Variants in COLEC12 observed in about 807,000 individuals in gnomAD.
COLEC12 encodes the protein collectin subfamily member 12.
A neutral mutation model predicts 71.1 loss-of-function variants in COLEC12; 33 were observed. That is an observed-to-expected ratio of 0.46 (90% CI 0.35 to 0.62). COLEC12 has a LOEUF of 0.62. Ranked by LOEUF, COLEC12 falls within the 20% of genes least tolerant of loss-of-function variation. COLEC12 has a pLI of 0.00. For missense variants in COLEC12, 765 were observed against 916.1 expected (o/e 0.84, Z 2.13); for synonymous variants, 350 against 353.0 (o/e 0.99, Z 0.10).
chr18:449,699 C>A (rs548430337), intron 2 of COLEC12, among the ~76,000 whole-genome samples: 26 of 152,186 alleles, frequency 1.7e-4, no homozygotes, highest in African/African-American at 6.3e-4. Flanking sequence ...ACAGTCCGGG[C>A]GGAGTCTGCT....
rs541430446 is a variant in COLEC12 at position 318,156 on chromosome 18, A to G, written c.*1889T>C. Reference sequence around the variant, plus strand: ...CGCGCCCGGCTAATTTTTTTTTTGTATTTTTAGTAGAGACGGGGTTTCACC... The same window carrying G: ...CGCGCCCGGCTAATTTTTTTTTTGTGTTTTTAGTAGAGACGGGGTTTCACC... On this transcript the variant is annotated 3_prime_UTR_variant, in exon 10 of 10. Coordinates refer to ENST00000400256, the MANE Select transcript of COLEC12 (RefSeq NM_130386.3). The G allele has an allele frequency of 1.3e-5, 2 of 150,536 alleles. No individual in the cohort carries two copies. The highest frequency in any genetic ancestry group is 2.1e-4 in the South Asian group (1 of 4,734). 9.3% of individuals were successfully genotyped at this position (150,536 alleles called of 1,614,324 possible).
At chr18:391,513 T>C (rs984037094) in intron 2 of COLEC12, among the ~76,000 whole-genome samples, 20 of 152,196 alleles carry the variant, frequency 1.3e-4, no homozygotes, top group Non-Finnish European at 2.9e-4. Context: ...TTTGTTGTTG[T>C]TGTTGTTTTG....
intron 2 of COLEC12, among the ~76,000 whole-genome samples, chr18:428,205 G>A (rs772138609): frequency 4.0e-5 from 6 of 151,846 alleles, no homozygotes; most frequent in East Asian, 3.9e-4. Flanking sequence ...TGGAGGTTGC[G>A]TGAGCTGAGA....
At chr18:328,941 C>T (rs998132115) in intron 8 of COLEC12, among the ~76,000 whole-genome samples, 2 of 152,182 alleles carry the variant, frequency 1.3e-5, no homozygotes, top group Non-Finnish European at 2.9e-5. Context: ...CTAACTTATT[C>T]TTGCTTTTAA....
At chr18:325,655 T>TTTTG (rs1913824064) in intron 8 of COLEC12, among the ~76,000 whole-genome samples, 3 of 93,148 alleles carry the variant, frequency 3.2e-5, no homozygotes, top group Non-Finnish European at 6.9e-5. Context: ...TTTTTTTTTT[T>TTTTG]TGAGACAGAG....
Position 480,885 on chromosome 18 carries a change from C to T in COLEC12, c.8-128G>A. On this transcript the variant is annotated intron_variant, in intron 1 of 9. Coordinates refer to ENST00000400256, the MANE Select transcript of COLEC12 (RefSeq NM_130386.3). This position sits in a 1 kb window ranked among gnomAD's most constrained non-coding sequence, Gnocchi z 4.1. ...GCTTTCCTTCTGCTCGTGGATCGCACCAGGCTTTCTGGAAGAGGCGGCAGG... is the reference window on the plus strand; with the variant it reads ...GCTTTCCTTCTGCTCGTGGATCGCATCAGGCTTTCTGGAAGAGGCGGCAGG... 2.4e-6 allele frequency: 2 copies of T among 843,136 alleles called. No individual in the cohort carries two copies. The highest frequency in any genetic ancestry group is 4.1e-6 in the Non-Finnish European group (2 of 488,696). 52.2% of individuals were successfully genotyped at this position (843,136 alleles called of 1,614,324 possible).
chr18:421,540 G>C (rs1481512536), intron 2 of COLEC12, among the ~76,000 whole-genome samples: 1 of 152,144 alleles, frequency 6.6e-6, no homozygotes, highest in Non-Finnish European at 1.5e-5. Context: ...ATATGAATGT[G>C]TAATTAAAAG....
chr18:449,675 C>T (rs1361730929), intron 2 of COLEC12, among the ~76,000 whole-genome samples: 2 of 152,230 alleles, frequency 1.3e-5, no homozygotes, highest in Admixed American at 1.3e-4. Flanking sequence ...CACCGTGATT[C>T]CTGCCGAGGC....
At chr18:393,081 C>A (rs1915496770) in intron 2 of COLEC12, among the ~76,000 whole-genome samples, 1 of 152,206 alleles carries the variant, frequency 6.6e-6, no homozygotes, top group South Asian at 2.1e-4. Flanking sequence ...CACATCAAGC[C>A]AAACCATCAA....
intron 2 of COLEC12, among the ~76,000 whole-genome samples, chr18:420,131 C>T (rs1028496439): frequency 6.6e-6 from 1 of 152,146 alleles, no homozygotes; most frequent in Non-Finnish European, 1.5e-5. Flanking sequence ...GTCTGCTGTA[C>T]AGTCTGAATT....
At chr18:449,677 T>C (rs1916720744) in intron 2 of COLEC12, among the ~76,000 whole-genome samples, 1 of 152,224 alleles carries the variant, frequency 6.6e-6, no homozygotes, top group African/African-American at 2.4e-5. Flanking sequence ...CCGTGATTCC[T>C]GCCGAGGCCA....
At chr18:400,931 C>A (rs1262195477) in intron 2 of COLEC12, among the ~76,000 whole-genome samples, 1 of 152,136 alleles carries the variant, frequency 6.6e-6, no homozygotes, top group Non-Finnish European at 1.5e-5. Context: ...AATTTTGGAG[C>A]AAAGCAGCAT....
intron 1 of COLEC12, among the ~76,000 whole-genome samples, chr18:488,304 G>C (rs921296684): frequency 6.6e-6 from 1 of 152,006 alleles, no homozygotes; most frequent in Non-Finnish European, 1.5e-5. Context: ...CCAATTACTA[G>C]GGAGGCTGAG....
intron 2 of COLEC12, among the ~76,000 whole-genome samples, chr18:441,626 T>C (rs770315201): frequency 2.6e-5 from 4 of 152,212 alleles, no homozygotes; most frequent in Non-Finnish European, 5.9e-5. Context: ...CTAGTGAATA[T>C]GCCCCAATAA....
intron 1 of COLEC12, among the ~76,000 whole-genome samples, chr18:497,396 G>GTGTGTGTT (rs896302349): frequency 1.0e-5 from 1 of 100,080 alleles, no homozygotes; most frequent in African/African-American, 4.7e-5. Flanking sequence ...GTGTGTGTGT[G>GTGTGTGTT]TGTGTGTGTG....
intron 1 of COLEC12, among the ~76,000 whole-genome samples, chr18:488,506 C>T (rs1917560791): frequency 6.6e-6 from 1 of 151,986 alleles, no homozygotes; most frequent in Admixed American, 6.6e-5. Context: ...CAAAATATTA[C>T]AGAAAGTAGA....
chr18:432,393 A>G (rs943679039), intron 2 of COLEC12, among the ~76,000 whole-genome samples: 1 of 152,180 alleles, frequency 6.6e-6, no homozygotes, highest in Non-Finnish European at 1.5e-5. Flanking sequence ...ATGTCTAGGA[A>G]TCCATCCTCA....
intron 2 of COLEC12, among the ~76,000 whole-genome samples, chr18:374,684 G>A (rs188394756): frequency 1.1e-3 from 172 of 152,276 alleles, no homozygotes; most frequent in African/African-American, 4.0e-3. Context: ...TCCACTGAGG[G>A]GGCAATTCTG....
At position 399,139 on chromosome 18, in the gene COLEC12, G is replaced by C. The variant is rs1915628187; in HGVS notation, c.59-41617C>G. On this transcript the variant is annotated intron_variant, in intron 2 of 9. Coordinates refer to ENST00000400256, the MANE Select transcript of COLEC12 (RefSeq NM_130386.3). This position sits in a 1 kb window ranked among gnomAD's most constrained non-coding sequence, Gnocchi z 4.0. Reference sequence around the variant, plus strand: ...CTCAAGGAACTGTTTAAAAAGCAAAGGAACCAAAAACAACACAAAAAAACC... The same window carrying C: ...CTCAAGGAACTGTTTAAAAAGCAAACGAACCAAAAACAACACAAAAAAACC... Among the ~76,000 whole-genome samples, 1 of 152,160 alleles carries C rather than the reference G, an allele frequency of 6.6e-6. No homozygotes were observed. Among genetic ancestry groups the C allele is most frequent in the Non-Finnish European group, 1.5e-5 (1 of 68,026 alleles).
Sources: allele counts gnomAD v4.1 joint callset (sites outside exome capture counted in the v4.1 genomes callset), GRCh38; gene constraint gnomAD v4.1.1; non-coding constraint Gnocchi (gnomAD v3.1); transcripts MANE v1.5; gene names NCBI Gene and HGNC (gene_info 2026-07-23, HGNC 2026-07-21).